The following ME1 variants were observed in gnomAD, a reference collection of about 807,000 sequenced individuals.
ME1 encodes malic enzyme 1.
A neutral mutation model predicts 66.4 loss-of-function variants in ME1; 74 were observed. The ratio of observed to expected loss-of-function variants is 1.11; its 90% CI spans 0.92 to 1.35. The LOEUF (loss-of-function observed/expected upper bound fraction) is 1.35. ME1 is among the 40% of genes most tolerant of loss of function. The pLI is 0.00. For synonymous variants in ME1, 251 were observed against 235.6 expected, an observed-to-expected ratio of 1.07 and a Z score of -0.60; for missense variants, 750 against 694.1, an observed-to-expected ratio of 1.08 and a Z score of -0.90.
intron 13 of ME1, among the ~76,000 whole-genome samples, chr6:83,212,735 C>T (rs1351652139): frequency 1.3e-5 from 2 of 152,116 alleles, no homozygotes; most frequent in Non-Finnish European, 2.9e-5. Flanking sequence ...CTAGTCTGCA[C>T]ATTATACTTT....
intron 9 of ME1, chr6:83,229,285 G>T: frequency 2.8e-6 from 1 of 358,488 alleles, no homozygotes; most frequent in Non-Finnish European, 5.3e-6. Context: ...GTGTTTTATA[G>T]CAGGTCTCAG....
intron 3 of ME1, among the ~76,000 whole-genome samples, chr6:83,384,137 G>A (rs1769457982): frequency 6.6e-6 from 1 of 151,736 alleles, no homozygotes; most frequent in African/African-American, 2.4e-5. Flanking sequence ...GAACATACCA[G>A]TGCATGTGTC....
chr6:83,340,782 G>C (rs1019153248), intron 5 of ME1, among the ~76,000 whole-genome samples: 5 of 151,816 alleles, frequency 3.3e-5, no homozygotes, highest in Admixed American at 6.6e-5. Context: ...AGTTTATATA[G>C]CATAGGAACT....
At chr6:83,341,353 T>C (rs2128543120) in intron 5 of ME1, among the ~76,000 whole-genome samples, 1 of 152,314 alleles carries the variant, frequency 6.6e-6, no homozygotes, top group Non-Finnish European at 1.5e-5. Context: ...ACTGTAACTG[T>C]GAGTACAATA....
intron 3 of ME1, among the ~76,000 whole-genome samples, chr6:83,353,456 T>C (rs533150173): frequency 6.6e-6 from 1 of 152,300 alleles, no homozygotes; most frequent in South Asian, 2.1e-4. Context: ...ACGGTTGATA[T>C]AGAAAAAGGA....
chr6:83,313,794 A>G (rs953004071), intron 6 of ME1, among the ~76,000 whole-genome samples: 1 of 152,130 alleles, frequency 6.6e-6, no homozygotes, highest in Non-Finnish European at 1.5e-5. Context: ...AACTATTTCT[A>G]TAAATAAGTA....
intron 3 of ME1, among the ~76,000 whole-genome samples, chr6:83,358,468 G>A (rs2128545487): frequency 6.6e-6 from 1 of 152,312 alleles, no homozygotes. Flanking sequence ...ATTGCTCAGA[G>A]TGAGAGTCTT....
chr6:83,281,012 T>C (rs1456392706), intron 6 of ME1, among the ~76,000 whole-genome samples: 2 of 152,250 alleles, frequency 1.3e-5, no homozygotes, highest in Non-Finnish European at 2.9e-5. Context: ...AAATGAAGTC[T>C]ACTATATTGT....
intron 3 of ME1, among the ~76,000 whole-genome samples, chr6:83,383,780 G>T (rs1769451986): frequency 1.3e-5 from 2 of 151,720 alleles, no homozygotes; most frequent in Admixed American, 6.6e-5. Flanking sequence ...TAAGATCAGG[G>T]TTTATACTGT....
intron 6 of ME1, among the ~76,000 whole-genome samples, chr6:83,304,666 T>C (rs899457634): frequency 6.6e-6 from 1 of 152,172 alleles, no homozygotes; most frequent in Non-Finnish European, 1.5e-5. Context: ...TACATATTGG[T>C]AAAATAAAAA....
In ME1 at chr6:83,228,834, G is replaced by A; in HGVS notation, c.1124C>T (p.Ala375Val). 1 of 1,604,978 alleles carries A rather than the reference G, an allele frequency of 6.2e-7. No individual in the cohort carries two copies. Among genetic ancestry groups the A allele is most frequent in the Non-Finnish European group, 8.5e-7 (1 of 1,173,978 alleles). ...EAIVQEIKPT[A>V]LIGVAAIGGA... ...GAGGAGAAAATGCTTACCTATGAGG[G>A]CAGTTGGTTTTATTTCTTGAACAAT... Residue 375 changes from alanine to valine, a missense_variant, in exon 10 of 14, where the codon GCC (alanine) becomes GTC (valine). Coordinates refer to ENST00000369705, the MANE Select transcript of ME1 (RefSeq NM_002395.6).
intron 6 of ME1, among the ~76,000 whole-genome samples, chr6:83,279,007 A>C (rs1007624689): frequency 3.9e-5 from 6 of 152,116 alleles, no homozygotes; most frequent in Non-Finnish European, 7.4e-5. Flanking sequence ...CTTCCCCCCC[A>C]ACCCTATCAC....
chr6:83,302,420 T>C (rs1767744760), intron 6 of ME1, among the ~76,000 whole-genome samples: 1 of 152,104 alleles, frequency 6.6e-6, no homozygotes, highest in Admixed American at 6.6e-5. Context: ...AGGTCACCTA[T>C]GTAACAAACC....
chr6:83,325,912 A>C (rs1285093243), intron 5 of ME1, among the ~76,000 whole-genome samples: 3 of 149,596 alleles, frequency 2.0e-5, no homozygotes, highest in Non-Finnish European at 4.4e-5. Flanking sequence ...AGCCCAGACA[A>C]TCCTAAGCAA....
chr6:83,406,526 A>G (rs1299496783), intron 2 of ME1, among the ~76,000 whole-genome samples: 1 of 152,014 alleles, frequency 6.6e-6, no homozygotes. Context: ...TGAGGGTGCC[A>G]TTTTTACGAC....
At chr6:83,325,394 G>T (rs1332973172) in intron 5 of ME1, among the ~76,000 whole-genome samples, 1 of 152,094 alleles carries the variant, frequency 6.6e-6, no homozygotes, top group Non-Finnish European at 1.5e-5. Context: ...GAAATAAAGG[G>T]TATTCCAATA....
chr6:83,228,689 A>C, intron 10 of ME1, 137 bp downstream of exon 10: 1 of 635,132 alleles, frequency 1.6e-6, no homozygotes, highest in Non-Finnish European at 2.8e-6. Flanking sequence ...CTAGGTCTCT[A>C]CAGGGTACTG....
At chr6:83,380,595 A>C (rs1769377593) in intron 3 of ME1, among the ~76,000 whole-genome samples, 1 of 152,090 alleles carries the variant, frequency 6.6e-6, no homozygotes, top group African/African-American at 2.4e-5. Context: ...GAAGGGGAAA[A>C]AATCCTGATT....
In ME1 at chr6:83,243,769, A is replaced by C. The variant is rs1275668340; in HGVS notation, c.815-4133T>G. 5.6e-5 allele frequency among the ~76,000 whole-genome samples: 7 copies of C among 125,650 alleles called. No homozygotes were observed. The East Asian group carries it at 6.0e-4, about 11-fold the overall frequency. The allele number at this position is 125,650 out of a possible 152,430, so 82.4% of individuals were successfully genotyped here. On this transcript the variant is annotated intron_variant, in intron 7 of 13. Coordinates refer to ENST00000369705, the MANE Select transcript of ME1 (RefSeq NM_002395.6). The stretch of plus-strand genomic sequence containing the variant: ...ATTATATTATATATTATATAATTAT[A>C]TTATATTTATATATAATTATCTTAT...
Sources: allele counts gnomAD v4.1 joint callset (sites outside exome capture counted in the v4.1 genomes callset), GRCh38; gene constraint gnomAD v4.1.1; transcripts MANE v1.5; gene names NCBI Gene and HGNC (gene_info 2026-07-23, HGNC 2026-07-21).